USP49: variants seen among roughly 807,000 people sequenced by gnomAD.
USP49 encodes the protein ubiquitin specific peptidase 49, also known as ubiquitin carboxyl-terminal hydrolase 49.
Under a neutral mutation model 58.6 loss-of-function variants are expected in USP49, and 24 were observed. The ratio of observed to expected loss-of-function variants is 0.41; its 90% confidence interval spans 0.30 to 0.58. The LOEUF is 0.58. Ranked by LOEUF, USP49 falls within the 20% of genes least tolerant of loss-of-function variation. The pLI is 0.30. For missense variants in USP49, 703 were observed against 866.1 expected, an observed-to-expected ratio of 0.81 and a Z score of 2.36; for synonymous variants, 408 against 365.1, an observed-to-expected ratio of 1.12 and a Z score of -1.34.
intron 3 of USP49, among the ~76,000 whole-genome samples, chr6:41,838,189 CAT>C (rs1252456471): frequency 6.6e-6 from 1 of 152,194 alleles, no homozygotes; most frequent in Non-Finnish European, 1.5e-5. Flanking sequence ...ATAGTAAAGA[CAT>C]AGAACCAATC....
At chr6:41,844,153 G>A (rs532308301) in intron 3 of USP49, among the ~76,000 whole-genome samples, 2 of 152,138 alleles carry the variant, frequency 1.3e-5, no homozygotes, top group African/African-American at 2.4e-5. Context: ...CTCAGGAGGC[G>A]GAGGTTATGG....
At position 41,794,478 on chromosome 6, in the gene USP49, T is replaced by C. The variant is rs1278508484; in HGVS notation, c.*2055A>G. The C allele has an allele frequency of 1.3e-5, 2 of 152,216 alleles. No homozygotes were observed. Among genetic ancestry groups the C allele is most frequent in the Non-Finnish European group, 2.9e-5 (2 of 68,028 alleles). 9.4% of individuals were successfully genotyped at this position (152,216 alleles called of 1,614,324 possible). A position where few individuals can be genotyped will look rare whatever the true frequency, so the allele number is the denominator to read the frequency against. ...TGTAAGTTCTTTTTTTCTAGAATAA[T>C]AAATATAGGATTCAATGAAAGATGA... On this transcript the variant is annotated 3_prime_UTR_variant, in exon 8 of 8. Transcript: ENST00000682992.
At chr6:41,827,272 G>A (rs1023972700) in intron 3 of USP49, among the ~76,000 whole-genome samples, 6 of 152,144 alleles carry the variant, frequency 3.9e-5, no homozygotes, top group Non-Finnish European at 7.3e-5. Flanking sequence ...ACTTCACCAA[G>A]GTAATGCCAC....
intron 3 of USP49, among the ~76,000 whole-genome samples, chr6:41,820,974 C>A (rs1225337142): frequency 6.6e-6 from 1 of 151,898 alleles, no homozygotes; most frequent in East Asian, 1.9e-4. Flanking sequence ...GCACTCCAGG[C>A]CTGGGCAAGA....
intron 3 of USP49, among the ~76,000 whole-genome samples, chr6:41,843,168 C>A (rs1178249681): frequency 2.0e-5 from 3 of 152,212 alleles, no homozygotes; most frequent in Non-Finnish European, 4.4e-5. Flanking sequence ...GGCCACCACG[C>A]CTGGCTAAGT....
chr6:41,839,404 CAAAAAAAAAAA>C (rs538220746), intron 3 of USP49, among the ~76,000 whole-genome samples: 29 of 22,256 alleles, frequency 1.3e-3, no homozygotes, highest in South Asian at 4.8e-3. Flanking sequence ...GGCCTTGTCT[CAAAAAAAAAAA>C]AAAAAAAAAA....
chr6:41,886,090 A>G, intron 2 of USP49, among the ~76,000 whole-genome samples: 1 of 152,206 alleles, frequency 6.6e-6, no homozygotes, highest in South Asian at 2.1e-4. Context: ...TAATCAGTTG[A>G]CCATATTTAA....
At chr6:41,874,314 G>A (rs1308220993) in intron 2 of USP49, 1 of 152,126 alleles carries the variant, frequency 6.6e-6, no homozygotes, top group Non-Finnish European at 1.5e-5. Flanking sequence ...GATCAACAAA[G>A]GTTTAATTTC....
intron 2 of USP49, among the ~76,000 whole-genome samples, chr6:41,881,190 C>T (rs1382498340): frequency 1.3e-5 from 2 of 150,074 alleles, no homozygotes; most frequent in Non-Finnish European, 3.0e-5. Context: ...CCTCGGCCTC[C>T]CAAAGTGCTG....
Position 41,840,149 on chromosome 6 carries a change from C to T in USP49, c.-29+31415G>A, listed in dbSNP as rs999770216. Among the ~76,000 whole-genome samples, 5 of 151,018 alleles carry T rather than the reference C, an allele frequency of 3.3e-5. 1 individual carries two copies. Among genetic ancestry groups the T allele is most frequent in the African/African-American group, 9.7e-5 (4 of 41,134 alleles). ...CAGCACTTTGGGAGGCCGAGGTGGG[C>T]GGATCGTGAGGTCAGGAGAACAAGA... On this transcript the variant is annotated intron_variant, in intron 3 of 7. Coordinates refer to ENST00000682992, the MANE Select transcript of USP49 (RefSeq NM_001286554.2).
At chr6:41,865,407 A>C (rs1209460935) in intron 3 of USP49, among the ~76,000 whole-genome samples, 2 of 152,206 alleles carry the variant, frequency 1.3e-5, no homozygotes, top group African/African-American at 4.8e-5. Context: ...AGGTAAAATC[A>C]ACCAAAAGAA....
At chr6:41,836,434 T>G (rs893169427) in intron 3 of USP49, among the ~76,000 whole-genome samples, 3 of 152,130 alleles carry the variant, frequency 2.0e-5, no homozygotes, top group Non-Finnish European at 2.9e-5. Context: ...GGGTAAAAGT[T>G]AGAAGCATTC....
At chr6:41,825,600 A>T (rs538134292) in intron 3 of USP49, among the ~76,000 whole-genome samples, 1 of 152,336 alleles carries the variant, frequency 6.6e-6, no homozygotes, top group African/African-American at 2.4e-5. Flanking sequence ...AATATTCAAT[A>T]ATAAAACAAA....
intron 3 of USP49, among the ~76,000 whole-genome samples, chr6:41,840,137 G>A (rs903652710): frequency 6.6e-6 from 1 of 151,930 alleles, no homozygotes; most frequent in Middle Eastern, 3.2e-3. Flanking sequence ...CACTTTGGGA[G>A]GCCGAGGTGG....
chr6:41,805,448 G>A lies in USP49; in HGVS notation c.1356+180C>T, dbSNP rs1773095045. Among the ~76,000 whole-genome samples, 3 of 152,064 alleles carry A rather than the reference G, an allele frequency of 2.0e-5. No individual in the cohort carries two copies. The South Asian group carries it at 6.2e-4, about 32-fold the overall frequency. Reference sequence around the variant, plus strand: ...ATCTGGCCGGAAAGACACTAGGCAAGTTTCCCCAAAAGGCCATCATAATGT... The same window carrying A: ...ATCTGGCCGGAAAGACACTAGGCAAATTTCCCCAAAAGGCCATCATAATGT... On this transcript the variant is annotated intron_variant, in intron 4 of 7. Transcript: ENST00000682992.
At position 41,804,817 on chromosome 6, in the gene USP49, C is replaced by T. The variant is rs534698759; in HGVS notation, c.1357-807G>A. Among the ~76,000 whole-genome samples, 4 of 152,278 alleles carry T rather than the reference C, an allele frequency of 2.6e-5. 1 individual carries two copies. The highest frequency in any genetic ancestry group is 7.2e-5 in the African/African-American group (3 of 41,546). ...GGCTGTAGTGCCAATGGCACAATCT[C>T]GGCTCACCGCAACCTCCGCCTCCTG... is the stretch of plus-strand genomic sequence containing the variant. On this transcript the variant is annotated intron_variant, in intron 4 of 7. Coordinates refer to ENST00000682992, the MANE Select transcript of USP49 (RefSeq NM_001286554.2).
Position 41,799,933 on chromosome 6 carries a change from G to A in USP49, c.1567C>T (p.Arg523Ter), listed in dbSNP as rs987984442. 5 of 1,613,856 alleles carry A rather than the reference G, an allele frequency of 3.1e-6. No individual in the cohort carries two copies. The highest frequency in any genetic ancestry group is 4.2e-6 in the Non-Finnish European group (5 of 1,179,882). ...AGGGGTTTGGGATTGGATTTTCGTC[G>A]TTTGCCTATGTGGTTTGGGAAGGTA... ...IYACDQCNSK[R>*]RKSNPKPLVL... The change falls in exon 6 of 8, where the codon CGA becomes TGA. Residue 523 changes from arginine to a stop codon, truncating the protein, a stop_gained. Transcript: ENST00000682992. LOFTEE classifies it high-confidence loss of function.
intron 3 of USP49, among the ~76,000 whole-genome samples, chr6:41,817,427 T>C (rs544878604): frequency 1.3e-3 from 200 of 149,468 alleles, no homozygotes; most frequent in African/African-American, 4.5e-3. Flanking sequence ...ATTACAGGCA[T>C]GAGCCACCAC....
intron 3 of USP49, among the ~76,000 whole-genome samples, chr6:41,857,047 G>A (rs2127353057): frequency 6.6e-6 from 1 of 152,306 alleles, no homozygotes; most frequent in Non-Finnish European, 1.5e-5. Context: ...GGAGTTTCCA[G>A]CTACAAATCA....
Sources: allele counts gnomAD v4.1 joint callset (sites outside exome capture counted in the v4.1 genomes callset), GRCh38; gene constraint gnomAD v4.1.1; transcripts MANE v1.5; gene names NCBI Gene and HGNC (gene_info 2026-07-23, HGNC 2026-07-21).